The following MAD1L1 variants were observed in gnomAD, a reference collection of about 807,000 sequenced individuals.
MAD1L1 encodes mitotic arrest deficient 1 like 1.
Under a neutral mutation model 96.9 loss-of-function variants are expected in MAD1L1, and 95 were observed. The observed-to-expected ratio is 0.98, with a 90% confidence interval of 0.83 to 1.16. The LOEUF (loss-of-function observed/expected upper bound fraction) is 1.16, where lower values mean the gene tolerates loss of function less well. Among genes scored for constraint, MAD1L1 ranks in the 50% most tolerant of loss-of-function variants. The probability of loss-of-function intolerance (pLI) is 0.00; values close to 1 mark genes in which losing one functional copy is unlikely to be tolerated. For missense variants in MAD1L1, 1,007 were observed against 954.4 expected, an observed-to-expected ratio of 1.06 and a Z score of -0.73; for synonymous variants, 473 against 396.6, an observed-to-expected ratio of 1.19 and a Z score of -2.29.
chr7:2,041,144 G>A (rs1422467968), intron 12 of MAD1L1, among the ~76,000 whole-genome samples: 1 of 152,188 alleles, frequency 6.6e-6, no homozygotes, highest in African/African-American at 2.4e-5. Flanking sequence ...GCTGTCAGGA[G>A]GATTTGCCCT....
chr7:2,229,082 C>T (rs1018447062), intron 3 of MAD1L1, among the ~76,000 whole-genome samples: 15 of 152,220 alleles, frequency 9.9e-5, no homozygotes, highest in African/African-American at 3.6e-4. Flanking sequence ...TGCAACAAAA[C>T]AAATGCACAC....
chr7:2,005,072 G>A (rs1781971602), intron 13 of MAD1L1, among the ~76,000 whole-genome samples: 1 of 152,228 alleles, frequency 6.6e-6, no homozygotes, highest in Non-Finnish European at 1.5e-5. Context: ...GATGCGGCCA[G>A]GAGGACGACC....
intron 5 of MAD1L1, among the ~76,000 whole-genome samples, chr7:2,222,000 A>G (rs1652842836): frequency 6.6e-6 from 1 of 152,270 alleles, no homozygotes; most frequent in Non-Finnish European, 1.5e-5. Flanking sequence ...CAAACACACT[A>G]AACGTCCACA....
chr7:2,165,919 C>T (rs571517837), intron 10 of MAD1L1, among the ~76,000 whole-genome samples: 1 of 152,300 alleles, frequency 6.6e-6, no homozygotes, highest in East Asian at 1.9e-4. Flanking sequence ...CCCCAGGGTA[C>T]ACCTGTGCCT....
chr7:2,045,949 C>A (rs1783899883), intron 12 of MAD1L1, among the ~76,000 whole-genome samples: 1 of 152,226 alleles, frequency 6.6e-6, no homozygotes, highest in Non-Finnish European at 1.5e-5. Flanking sequence ...CCCTGCACCA[C>A]AGGCCGCCAC....
intron 11 of MAD1L1, among the ~76,000 whole-genome samples, chr7:2,106,659 C>T (rs1787117681): frequency 2.0e-5 from 3 of 152,244 alleles, no homozygotes; most frequent in Admixed American, 2.0e-4. Context: ...CACTCTCGGC[C>T]CATCCCGCAA....
intron 17 of MAD1L1, among the ~76,000 whole-genome samples, chr7:1,902,113 G>A (rs190208967): frequency 4.4e-3 from 669 of 152,304 alleles, no homozygotes; most frequent in Non-Finnish European, 7.5e-3. Flanking sequence ...CCAGGGGGCT[G>A]AAGGCATCCA....
At chr7:1,881,836 C>T (rs1785699125) in intron 18 of MAD1L1, among the ~76,000 whole-genome samples, 1 of 152,184 alleles carries the variant, frequency 6.6e-6, no homozygotes, top group Non-Finnish European at 1.5e-5. Context: ...GGTGATGAGC[C>T]ACTGGCATCT....
intron 10 of MAD1L1, among the ~76,000 whole-genome samples, chr7:2,170,163 T>G (rs539305309): frequency 1.3e-5 from 2 of 152,292 alleles, no homozygotes; most frequent in African/African-American, 4.8e-5. Flanking sequence ...CCTATGGGCT[T>G]TGGCAGCCAC....
At chr7:1,985,454 C>T (rs988849549) in intron 14 of MAD1L1, among the ~76,000 whole-genome samples, 1 of 103,460 alleles carries the variant, frequency 9.7e-6, no homozygotes, top group Non-Finnish European at 2.2e-5. Context: ...GCGAGGGCCT[C>T]ACAGTCACTC....
At chr7:2,200,267 A>G (rs908523040) in intron 10 of MAD1L1, 2 of 151,930 alleles carry the variant, frequency 1.3e-5, no homozygotes, top group African/African-American at 4.8e-5. Context: ...TTCACCTGGA[A>G]CCTCTTCTCC....
intron 10 of MAD1L1, among the ~76,000 whole-genome samples, chr7:2,196,921 G>T (rs777301168): frequency 6.6e-6 from 1 of 152,202 alleles, no homozygotes; most frequent in East Asian, 1.9e-4. Context: ...AACCTGCAGC[G>T]GGTCAGACAG....
chr7:2,229,858 G>T, intron 3 of MAD1L1, 126 bp downstream of exon 3: 1 of 1,044,294 alleles, frequency 9.6e-7, no homozygotes, highest in South Asian at 1.7e-5. Flanking sequence ...TGAGACCTGG[G>T]AGACGAATAG....
intron 10 of MAD1L1, 44 bp from the exon 11 acceptor site, chr7:2,149,282 A>G: frequency 6.7e-7 from 1 of 1,488,252 alleles, no homozygotes; most frequent in South Asian, 1.1e-5. Flanking sequence ...TGTCCCCGAG[A>G]AGTAAACCTG....
intron 17 of MAD1L1, among the ~76,000 whole-genome samples, chr7:1,918,404 G>A (rs1054697177): frequency 2.0e-5 from 3 of 152,264 alleles, no homozygotes; most frequent in Middle Eastern, 3.4e-3. Flanking sequence ...TGGGGCCCCC[G>A]AGCATGTTCC....
At chr7:2,193,749 G>C (rs1791841578) in intron 10 of MAD1L1, among the ~76,000 whole-genome samples, 1 of 152,172 alleles carries the variant, frequency 6.6e-6, no homozygotes, top group African/African-American at 2.4e-5. Flanking sequence ...CAGGTGCTGA[G>C]CCGCGATCCG....
intron 18 of MAD1L1, among the ~76,000 whole-genome samples, chr7:1,840,173 C>T (rs973035875): frequency 3.3e-5 from 5 of 152,206 alleles, no homozygotes; most frequent in African/African-American, 7.2e-5. Flanking sequence ...GCCTGGAGCC[C>T]GAGGCCTACC....
intron 18 of MAD1L1, among the ~76,000 whole-genome samples, chr7:1,866,981 G>C (rs1185089345): frequency 6.6e-6 from 1 of 152,188 alleles, no homozygotes. Context: ...AGGTAGGGGA[G>C]GTAGTGGGCA....
intron 18 of MAD1L1, among the ~76,000 whole-genome samples, chr7:1,872,083 C>T (rs1010878075): frequency 1.2e-4 from 18 of 152,160 alleles, no homozygotes; most frequent in African/African-American, 4.3e-4. Context: ...CAGTCCAGGC[C>T]CCAGGCCTTG....
Sources: gnomAD v4.1 joint callset for allele counts (sites outside exome capture counted in the v4.1 genomes callset) on GRCh38, gnomAD v4.1.1 for gene constraint, MANE v1.5 for transcripts, NCBI Gene and HGNC (gene_info 2026-07-23, HGNC 2026-07-21) for gene names.